TAF2: variants seen among roughly 807,000 people sequenced by gnomAD.
TAF2 encodes the protein TATA-box binding protein associated factor 2, also known as transcription initiation factor TFIID subunit 2.
TAF2 carries 61 observed loss-of-function variants against 138.5 expected under a neutral mutation model. That is an observed-to-expected ratio of 0.44 (90% confidence interval 0.36 to 0.54). The LOEUF is 0.54. Ranked by LOEUF, TAF2 falls within the 20% of genes least tolerant of loss-of-function variation. The pLI is 0.00. For synonymous variants in TAF2, 475 were observed against 469.9 expected (o/e 1.01, Z -0.14); for missense variants, 1,090 against 1,427.9 (o/e 0.76, Z 3.81).
chr8:119,815,834 ATTATT>A (rs1246079067), intron 3 of TAF2, among the ~76,000 whole-genome samples: 1 of 152,236 alleles, frequency 6.6e-6, no homozygotes. Context: ...CAAGTGCTGA[ATTATT>A]TTATTGACAA....
chr8:119,806,292 GT>G lies in TAF2; in HGVS notation c.408del (p.Lys136AsnfsTer6). 6.2e-7 allele frequency: 1 copy of G among 1,613,478 alleles called. No homozygotes were observed. The highest frequency in any genetic ancestry group is 8.5e-7 in the Non-Finnish European group (1 of 1,179,528). Reference sequence around the variant, plus strand: ...ACTCTTGGTGCTTTACCATCAACGTGTTTCCATAGCTCTGATGGAACCTTAA... The same window carrying G: ...ACTCTTGGTGCTTTACCATCAACGTGTTCCATAGCTCTGATGGAACCTTAA... ...LCIKVPSELWKHVDELKVLKI... is the reference protein window; with the variant it reads ...LCIKVPSELWXHVDELKVLKI... On this transcript the variant is annotated frameshift_variant, in exon 4 of 26. Coordinates refer to ENST00000378164, the MANE Select transcript of TAF2 (RefSeq NM_003184.4). LOFTEE classifies it high-confidence loss of function.
chr8:119,732,137 A>C lies in TAF2; in HGVS notation c.3387T>G (p.Ala1129=). The C allele has an allele frequency of 6.2e-7, 1 of 1,614,122 alleles. No individual in the cohort carries two copies. The highest frequency in any genetic ancestry group is 8.5e-7 in the Non-Finnish European group (1 of 1,180,004). ...LEMSMHPAAS[A]PLSVFTKEST... ...ATTCCTTAGTAAAGACTGAGAGTGG[A>C]GCGCTTGCCGCTGGATGCATACTCA... is the stretch of plus-strand genomic sequence containing the variant. The change falls in exon 26 of 26, where the codon GCT becomes GCG. Residue 1129 remains alanine, a synonymous_variant. Coordinates refer to ENST00000378164, the MANE Select transcript of TAF2 (RefSeq NM_003184.4).
chr8:119,750,813 T>C (rs965469097), intron 22 of TAF2, among the ~76,000 whole-genome samples: 2 of 152,218 alleles, frequency 1.3e-5, no homozygotes, highest in Non-Finnish European at 2.9e-5. Flanking sequence ...TTGAGTGTAG[T>C]TGTAAATTTC....
chr8:119,744,623 A>C, intron 23 of TAF2: 1 of 536,194 alleles, frequency 1.9e-6, no homozygotes, highest in Non-Finnish European at 3.3e-6. Context: ...AGCAACTAAA[A>C]TCTACTCCTA....
intron 20 of TAF2, among the ~76,000 whole-genome samples, chr8:119,758,862 G>A (rs1820872816): frequency 6.6e-6 from 1 of 152,100 alleles, no homozygotes; most frequent in South Asian, 2.1e-4. Context: ...ATGGACAAAA[G>A]CGAAGTGTCA....
At chr8:119,830,385 A>G (rs1166089743) in intron 2 of TAF2, among the ~76,000 whole-genome samples, 3 of 152,090 alleles carry the variant, frequency 2.0e-5, no homozygotes, top group African/African-American at 7.2e-5. Flanking sequence ...CTCTATTTCA[A>G]TTCCATTTTC....
chr8:119,789,505 C>T, intron 12 of TAF2, 87 bp downstream of exon 12: 2 of 1,478,368 alleles, frequency 1.4e-6, no homozygotes, highest in East Asian at 2.3e-5. Flanking sequence ...CCTTGAGTCC[C>T]CCTCAAACCT....
In TAF2 at chr8:119,741,495, T is replaced by C. The variant is rs569232709; in HGVS notation, c.3337+1039A>G. 2.0e-5 allele frequency among the ~76,000 whole-genome samples: 3 copies of C among 152,248 alleles called. No homozygotes were observed. In the East Asian group the frequency reaches 5.8e-4, roughly 29 times the overall value. On this transcript the variant is annotated intron_variant, in intron 25 of 25. Coordinates refer to ENST00000378164, the MANE Select transcript of TAF2 (RefSeq NM_003184.4). ...AAACTCACTCATTAAGTGCAATAAGTCCCCAACTGATTTCTTTCTGAAACA... is the reference window on the plus strand; with the variant it reads ...AAACTCACTCATTAAGTGCAATAAGCCCCCAACTGATTTCTTTCTGAAACA...
intron 22 of TAF2, among the ~76,000 whole-genome samples, chr8:119,751,802 C>T (rs1287819697): frequency 6.6e-6 from 1 of 152,156 alleles, no homozygotes; most frequent in Admixed American, 6.5e-5. Context: ...CAACCATGGA[C>T]AAAGACCATA....
chr8:119,762,917 T>TA (rs879412634), intron 18 of TAF2: 6,980 of 183,914 alleles, frequency 0.038, no homozygotes, highest in South Asian at 0.1. Context: ...AGGAAGCCAC[T>TA]AAAAAAAAAA....
At chr8:119,815,276 G>A (rs1214620240) in intron 3 of TAF2, among the ~76,000 whole-genome samples, 1 of 151,340 alleles carries the variant, frequency 6.6e-6, no homozygotes, top group Non-Finnish European at 1.5e-5. Context: ...AGCGGGACTT[G>A]GTCTTTTTTT....
intron 5 of TAF2, among the ~76,000 whole-genome samples, chr8:119,802,666 A>G (rs1824345412): frequency 6.6e-6 from 1 of 152,180 alleles, no homozygotes; most frequent in Non-Finnish European, 1.5e-5. Flanking sequence ...TAATCCCAGC[A>G]CTATGGGAGG....
chr8:119,781,505 C>G (rs556407502), intron 16 of TAF2, among the ~76,000 whole-genome samples: 331 of 152,086 alleles, frequency 2.2e-3, no homozygotes, highest in African/African-American at 7.8e-3. Context: ...TGGTGAAACC[C>G]CATCTATACA....
intron 5 of TAF2, 54 bp from the exon 6 acceptor site, chr8:119,802,079 T>A: frequency 7.1e-7 from 1 of 1,402,972 alleles, no homozygotes; most frequent in Non-Finnish European, 9.9e-7. Flanking sequence ...CTCTACATTG[T>A]TTTCCCCACA....
intron 16 of TAF2, 147 bp downstream of exon 16, chr8:119,783,234 G>T: frequency 2.5e-6 from 2 of 791,852 alleles, no homozygotes; most frequent in Non-Finnish European, 3.8e-6. Context: ...TTTCAAAACA[G>T]TCCTATTAAT....
At position 119,778,131 on chromosome 8, in the gene TAF2, T is replaced by C. The variant is rs1822386656; in HGVS notation, c.2254-2A>G. ...TAAAGCCATTGCAACTGGCATAGTC[T>C]ACAAAAGAAAAAAAAGAACTTTTAA... is the stretch of plus-strand genomic sequence containing the variant. On this transcript the variant is annotated splice_acceptor_variant, in intron 17 of 25. Coordinates refer to ENST00000378164, the MANE Select transcript of TAF2 (RefSeq NM_003184.4). LOFTEE classifies it high-confidence loss of function. 6.4e-7 allele frequency: 1 copy of C among 1,568,174 alleles called. No individual in the cohort carries two copies. Among genetic ancestry groups the C allele is most frequent in the Non-Finnish European group, 8.7e-7 (1 of 1,152,752 alleles).
chr8:119,747,371 T>C (rs1820049763), intron 22 of TAF2, among the ~76,000 whole-genome samples: 1 of 152,186 alleles, frequency 6.6e-6, no homozygotes, highest in South Asian at 2.1e-4. Flanking sequence ...GCTAAACACC[T>C]TTGTATTTGT....
chr8:119,737,511 CT>C (rs34513662), intron 25 of TAF2, among the ~76,000 whole-genome samples: 178 of 137,310 alleles, frequency 1.3e-3, no homozygotes, highest in South Asian at 7.5e-3. Context: ...TTTTCTTTTT[CT>C]TTTTTTTTTT....
At chr8:119,814,550 T>C (rs952545150) in intron 3 of TAF2, among the ~76,000 whole-genome samples, 13 of 151,858 alleles carry the variant, frequency 8.6e-5, no homozygotes, top group African/African-American at 3.1e-4. Flanking sequence ...TTGGTGGAAA[T>C]TAAACTCATT....
Sources: allele counts gnomAD v4.1 joint callset (sites outside exome capture counted in the v4.1 genomes callset), GRCh38; gene constraint gnomAD v4.1.1; transcripts MANE v1.5; gene names NCBI Gene and HGNC (gene_info 2026-07-23, HGNC 2026-07-21).